Variants in AKAP19 observed in about 807,000 individuals in gnomAD.
AKAP19 encodes the protein A-kinase anchoring protein 19.
chr2:190,134,315 G>T, the AKAP19 span, among the ~76,000 whole-genome samples: 1 of 152,220 alleles, frequency 6.6e-6, no homozygotes, highest in Non-Finnish European at 1.5e-5. Context: ...GGATGCAATA[G>T]TTTTATTAAA....
chr2:190,139,146 G>A, the AKAP19 span, among the ~76,000 whole-genome samples: 2 of 152,202 alleles, frequency 1.3e-5, no homozygotes, highest in Non-Finnish European at 2.9e-5. Flanking sequence ...GATGAAATCT[G>A]ATATGAAAGA....
At chr2:189,949,991 C>T in the AKAP19 span, among the ~76,000 whole-genome samples, 227 of 147,192 alleles carry the variant, frequency 1.5e-3, 3 homozygotes, top group East Asian at 0.043. Flanking sequence ...TCTAAAGTTA[C>T]AGAATCAATC....
At chr2:190,004,646 G>A in the AKAP19 span, among the ~76,000 whole-genome samples, 1 of 150,214 alleles carries the variant, frequency 6.7e-6, no homozygotes, top group East Asian at 1.9e-4. Flanking sequence ...CCTGGTTTAT[G>A]TTCTCATCTA....
chr2:189,967,479 TA>T, the AKAP19 span, among the ~76,000 whole-genome samples: 1 of 152,146 alleles, frequency 6.6e-6, no homozygotes, highest in East Asian at 1.9e-4. Context: ...TGAGCTAAAA[TA>T]AAATCACCAC....
At chr2:190,192,734 A>T in the AKAP19 span, among the ~76,000 whole-genome samples, 1 of 152,100 alleles carries the variant, frequency 6.6e-6, no homozygotes, top group East Asian at 1.9e-4. Flanking sequence ...TACAAAATGC[A>T]GTTTTCCTTC....
the AKAP19 span, among the ~76,000 whole-genome samples, chr2:190,101,459 C>A: frequency 6.6e-6 from 1 of 152,158 alleles, no homozygotes; most frequent in Non-Finnish European, 1.5e-5. Context: ...AGGCAGAACT[C>A]CAGGCATTCA....
chr2:190,085,923 A>T, the AKAP19 span, among the ~76,000 whole-genome samples: 2 of 152,196 alleles, frequency 1.3e-5, no homozygotes, highest in African/African-American at 4.8e-5. Flanking sequence ...TACCTAAAAG[A>T]CTGTCTTGTT....
the AKAP19 span, among the ~76,000 whole-genome samples, chr2:190,163,341 G>A: frequency 6.6e-6 from 1 of 151,972 alleles, no homozygotes; most frequent in Non-Finnish European, 1.5e-5. Context: ...GGCTGAGGCA[G>A]GAGAATGGCA....
At chr2:189,907,487 T>TA in the AKAP19 span, among the ~76,000 whole-genome samples, 27 of 152,086 alleles carry the variant, frequency 1.8e-4, no homozygotes, top group African/African-American at 6.3e-4. Flanking sequence ...TATCATTCTG[T>TA]AAAAAAATGC....
the AKAP19 span, among the ~76,000 whole-genome samples, chr2:190,064,671 T>A: frequency 6.6e-6 from 1 of 152,176 alleles, no homozygotes; most frequent in Non-Finnish European, 1.5e-5. Context: ...CTCTTTGTTT[T>A]ATGCAGAAGG....
the AKAP19 span, among the ~76,000 whole-genome samples, chr2:190,105,103 A>G: frequency 6.6e-6 from 1 of 152,182 alleles, no homozygotes; most frequent in African/African-American, 2.4e-5. Context: ...ACTTAAAAGT[A>G]CTGTTTGACC....
At chr2:189,895,244 G>A in the AKAP19 span, among the ~76,000 whole-genome samples, 1 of 152,062 alleles carries the variant, frequency 6.6e-6, no homozygotes, top group Non-Finnish European at 1.5e-5. Context: ...AACTTCCACC[G>A]TTTTCTCCTC....
the AKAP19 span, among the ~76,000 whole-genome samples, chr2:189,893,798 C>A: frequency 6.6e-6 from 1 of 152,100 alleles, no homozygotes; most frequent in Non-Finnish European, 1.5e-5. Flanking sequence ...AAAAAAATAA[C>A]AATATAGGAG....
chr2:190,018,357 C>G, the AKAP19 span, among the ~76,000 whole-genome samples: 1 of 151,736 alleles, frequency 6.6e-6, no homozygotes, highest in Non-Finnish European at 1.5e-5. Context: ...TTTTGGTCTT[C>G]TGCATAGATG....
chr2:190,016,134 C>T, the AKAP19 span, among the ~76,000 whole-genome samples: 13 of 152,214 alleles, frequency 8.5e-5, no homozygotes, highest in Admixed American at 3.9e-4. Context: ...AAGTCTCTTC[C>T]ACATTTCTAA....
the AKAP19 span, among the ~76,000 whole-genome samples, chr2:189,984,608 A>AT: frequency 6.6e-6 from 1 of 152,218 alleles, no homozygotes; most frequent in Non-Finnish European, 1.5e-5. Flanking sequence ...GGATTAAGAG[A>AT]TTAAAGTAAA....
the AKAP19 span, among the ~76,000 whole-genome samples, chr2:190,078,474 T>G: frequency 1.3e-5 from 2 of 152,280 alleles, no homozygotes; most frequent in South Asian, 4.2e-4. Context: ...ATGGCTTTCT[T>G]CTTACCTTTA....
the AKAP19 span, among the ~76,000 whole-genome samples, chr2:189,926,241 A>G: frequency 6.6e-6 from 1 of 152,202 alleles, no homozygotes. Flanking sequence ...AATATGTTCC[A>G]TCTCTGCACA....
At chr2:190,054,155 C>T in the AKAP19 span, among the ~76,000 whole-genome samples, 1 of 152,034 alleles carries the variant, frequency 6.6e-6, no homozygotes, top group South Asian at 2.1e-4. Flanking sequence ...ACCATATACC[C>T]TTGCCAACTG....
Sources: allele counts gnomAD v4.1 joint callset (sites outside exome capture counted in the v4.1 genomes callset), GRCh38; gene constraint gnomAD v4.1.1; transcripts MANE v1.5; gene names NCBI Gene and HGNC (gene_info 2026-07-23, HGNC 2026-07-21).